The following UQCC1 variants were observed in gnomAD, a reference collection of about 807,000 sequenced individuals.
UQCC1 encodes bFGF-repressed Zic-binding protein.
UQCC1 carries 38 observed loss-of-function variants against 48.0 expected under a neutral mutation model. That is an observed-to-expected ratio of 0.79 (90% CI 0.61 to 1.04). The LOEUF (loss-of-function observed/expected upper bound fraction) is 1.04, where lower values mean the gene tolerates loss of function less well. Among genes scored for constraint, UQCC1 ranks in the 50% least tolerant of loss-of-function variants. UQCC1 has a pLI of 0.00. For missense variants in UQCC1, 368 were observed against 381.8 expected, an observed-to-expected ratio of 0.96 and a Z score of 0.30; for synonymous variants, 111 against 129.2, an observed-to-expected ratio of 0.86 and a Z score of 0.95.
At chr20:35,338,856 GAA>G (rs1172467457) in intron 7 of UQCC1, among the ~76,000 whole-genome samples, 55 of 26,708 alleles carry the variant, frequency 2.1e-3, no homozygotes, top group Non-Finnish European at 2.5e-3. Flanking sequence ...CGTCTCAAAA[GAA>G]AAAAAAAAAA....
chr20:35,406,570 A>G (rs766295866), intron 1 of UQCC1, among the ~76,000 whole-genome samples: 2 of 151,780 alleles, frequency 1.3e-5, no homozygotes, highest in Non-Finnish European at 2.9e-5. Context: ...AGAATTTGTC[A>G]GTAGTAGACT....
chr20:35,305,864 C>T (rs1431791010), intron 9 of UQCC1, among the ~76,000 whole-genome samples: 2 of 152,222 alleles, frequency 1.3e-5, no homozygotes, highest in Non-Finnish European at 2.9e-5. Flanking sequence ...ACAGCCTGAG[C>T]TGTCTGAGGC....
chr20:35,384,648 T>TAAA (rs386393686), intron 2 of UQCC1: 8,996 of 378,294 alleles, frequency 0.024, 179 homozygotes, highest in African/African-American at 0.082. Context: ...ACCCTGTCTG[T>TAAA]AAAAAAAAAA....
chr20:35,352,406 C>T (rs1600927256), intron 6 of UQCC1, among the ~76,000 whole-genome samples: 1 of 152,288 alleles, frequency 6.6e-6, no homozygotes, highest in South Asian at 2.1e-4. Context: ...GAAGAAGATT[C>T]GCTCCTTAGC....
chr20:35,304,273 A>C (rs927036326), intron 9 of UQCC1, among the ~76,000 whole-genome samples: 25 of 152,170 alleles, frequency 1.6e-4, no homozygotes, highest in African/African-American at 6.0e-4. Context: ...TGGTTCAGAG[A>C]AAGCAGTCAC....
intron 7 of UQCC1, among the ~76,000 whole-genome samples, chr20:35,325,733 A>G (rs1411475152): frequency 2.0e-5 from 3 of 152,222 alleles, no homozygotes; most frequent in Non-Finnish European, 4.4e-5. Context: ...TTGAGAGAAG[A>G]GGCAACATTT....
intron 5 of UQCC1, among the ~76,000 whole-genome samples, chr20:35,370,813 A>G (rs768972418): frequency 3.3e-5 from 5 of 152,242 alleles, no homozygotes; most frequent in Non-Finnish European, 5.9e-5. Context: ...TATTAAAATG[A>G]ATTACATTTT....
intron 9 of UQCC1, chr20:35,306,456 TC>T (rs1337757704): frequency 1.8e-6 from 1 of 541,276 alleles, no homozygotes; most frequent in Non-Finnish European, 3.3e-6. Flanking sequence ...GATGCCTCTT[TC>T]TCTCTCTCTT....
At chr20:35,363,670 G>A (rs1417834664) in intron 6 of UQCC1, among the ~76,000 whole-genome samples, 1 of 152,198 alleles carries the variant, frequency 6.6e-6, no homozygotes, top group African/African-American at 2.4e-5. Context: ...TCAGCGACCA[G>A]GGTATTTTTG....
intron 4 of UQCC1, among the ~76,000 whole-genome samples, chr20:35,374,949 T>A (rs1158514320): frequency 6.6e-6 from 1 of 152,130 alleles, no homozygotes; most frequent in African/African-American, 2.4e-5. Context: ...AAATTATGCC[T>A]TAATAAAAAT....
At chr20:35,406,673 A>C (rs2062255241) in intron 1 of UQCC1, among the ~76,000 whole-genome samples, 1 of 152,232 alleles carries the variant, frequency 6.6e-6, no homozygotes, top group African/African-American at 2.4e-5. Context: ...TAGACTGGTA[A>C]AGGTAACTGT....
At chr20:35,400,519 G>C (rs1378513645) in intron 1 of UQCC1, among the ~76,000 whole-genome samples, 1 of 146,612 alleles carries the variant, frequency 6.8e-6, no homozygotes, top group Non-Finnish European at 1.5e-5. Context: ...TTTTTGAGAC[G>C]GAGTCTCGCT....
chr20:35,400,785 A>G (rs2062153362), intron 1 of UQCC1, among the ~76,000 whole-genome samples: 1 of 152,138 alleles, frequency 6.6e-6, no homozygotes, highest in Non-Finnish European at 1.5e-5. Context: ...GTGAGCCACC[A>G]TGCCTGGCCA....
chr20:35,346,845 C>G, intron 7 of UQCC1: 1 of 751,672 alleles, frequency 1.3e-6, no homozygotes, highest in Non-Finnish European at 2.1e-6. Flanking sequence ...GTATAGTATC[C>G]TTAACTGGAT....
intron 7 of UQCC1, among the ~76,000 whole-genome samples, chr20:35,328,231 G>A (rs11906743): frequency 5.3e-5 from 8 of 152,232 alleles, no homozygotes; most frequent in Middle Eastern, 3.4e-3. Context: ...CCTAGGAAAC[G>A]CACTGAAATC....
rs376435055 is a variant in UQCC1 at position 35,374,018 on chromosome 20, T to C, written c.406+166A>G. Among the ~76,000 whole-genome samples, 5 of 152,224 alleles carry C rather than the reference T, an allele frequency of 3.3e-5. No individual in the cohort carries two copies. In the East Asian group the frequency reaches 9.6e-4, roughly 29 times the overall value. On this transcript the variant is annotated intron_variant, in intron 5 of 9. Coordinates refer to ENST00000374385, the MANE Select transcript of UQCC1 (RefSeq NM_018244.5). ...CAAGACCCTTGTCTCTAAAGAAATATATACAAGAAGTTTTTTAAAGAGACA... is the reference window on the plus strand; with the variant it reads ...CAAGACCCTTGTCTCTAAAGAAATACATACAAGAAGTTTTTTAAAGAGACA...
At chr20:35,336,208 G>C (rs2061314928) in intron 7 of UQCC1, among the ~76,000 whole-genome samples, 1 of 152,200 alleles carries the variant, frequency 6.6e-6, no homozygotes, top group Non-Finnish European at 1.5e-5. Flanking sequence ...CAGAAGGTTT[G>C]GGTTCCAATC....
chr20:35,355,615 C>A (rs2061538065), intron 6 of UQCC1, among the ~76,000 whole-genome samples: 1 of 152,204 alleles, frequency 6.6e-6, no homozygotes, highest in South Asian at 2.1e-4. Flanking sequence ...GGCCACCTGA[C>A]CTTGAAGCCT....
At chr20:35,331,261 G>A (rs1289756999) in intron 7 of UQCC1, among the ~76,000 whole-genome samples, 3 of 151,816 alleles carry the variant, frequency 2.0e-5, no homozygotes, top group African/African-American at 4.8e-5. Flanking sequence ...TAGGAAAGGG[G>A]GCAACACACA....
Sources: gnomAD v4.1 joint callset for allele counts (sites outside exome capture counted in the v4.1 genomes callset) on GRCh38, gnomAD v4.1.1 for gene constraint, MANE v1.5 for transcripts, NCBI Gene and HGNC (gene_info 2026-07-23, HGNC 2026-07-21) for gene names.